HSD11B1L: variants seen among roughly 807,000 people sequenced by gnomAD.
HSD11B1L encodes the protein hydroxysteroid 11-beta dehydrogenase 1 like.
HSD11B1L carries 22 observed loss-of-function variants against 27.0 expected under a neutral mutation model. The ratio of observed to expected loss-of-function variants is 0.81; its 90% CI spans 0.58 to 1.16. The LOEUF (loss-of-function observed/expected upper bound fraction) is 1.16. HSD11B1L is among the 50% of genes most tolerant of loss of function. HSD11B1L has a pLI of 0.00. For missense variants in HSD11B1L, 372 were observed against 401.8 expected (o/e 0.93, Z 0.63); for synonymous variants, 187 against 189.2 (o/e 0.99, Z 0.09).
chr19:5,681,619 C>T (rs1291211431), intron 1 of HSD11B1L, among the ~76,000 whole-genome samples: 8 of 151,458 alleles, frequency 5.3e-5, no homozygotes, highest in Admixed American at 2.6e-4. Context: ...CTCATCTATC[C>T]GTCCATCCAT....
Position 5,688,065 on chromosome 19 carries a change from C to G in HSD11B1L, c.*120C>G. The G allele has an allele frequency of 6.4e-7, 1 of 1,551,150 alleles. No individual in the cohort carries two copies. The highest frequency in any genetic ancestry group is 8.7e-7 in the Non-Finnish European group (1 of 1,146,804). On this transcript the variant is annotated 3_prime_UTR_variant, in exon 8 of 8. Coordinates refer to ENST00000339423, the MANE Select transcript of HSD11B1L (RefSeq NM_198706.3). ...TGGCCACAGCCCAAGATGAAGTCAT[C>G]AAGACAGAAAAGCAAAACCGAGAAA...
Position 5,685,220 on chromosome 19 carries a change from C to G in HSD11B1L, c.204+101C>G, listed in dbSNP as rs2054657749. 1.4e-6 allele frequency: 2 copies of G among 1,454,034 alleles called. No individual in the cohort carries two copies. Among genetic ancestry groups the G allele is most frequent in the Non-Finnish European group, 1.9e-6 (2 of 1,072,524 alleles). The allele number at this position is 1,454,034 out of a possible 1,614,324, so 90.1% of individuals were successfully genotyped here. ...CAATGATCCAGGCTTCCCGTGTGAC[C>G]TTGGGCAAGTCGCCTAACCTCTCTG... On this transcript the variant is annotated intron_variant, in intron 3 of 7. Transcript: ENST00000339423. This position sits in a 1 kb window ranked among gnomAD's most constrained non-coding sequence, Gnocchi z 4.3.
intron 1 of HSD11B1L, chr19:5,683,909 T>A (rs911427736): frequency 3.7e-5 from 11 of 299,224 alleles, no homozygotes; most frequent in Admixed American, 3.5e-4. Flanking sequence ...TAAAAAAAAA[T>A]AAAAATAAAA....
chr19:5,685,413 T>C lies in HSD11B1L; in HGVS notation c.204+294T>C. 2.0e-6 allele frequency: 1 copy of C among 492,344 alleles called. No individual in the cohort carries two copies. The highest frequency in any genetic ancestry group is 3.9e-6 in the Non-Finnish European group (1 of 259,708). 30.5% of individuals were successfully genotyped at this position (492,344 alleles called of 1,614,324 possible). ...CAACATGGCGAAACCTGGTCTCTAC[T>C]AAGAAGACAAAAATTAGGCCAGGCA... On this transcript the variant is annotated intron_variant, in intron 3 of 7. Coordinates refer to ENST00000339423, the MANE Select transcript of HSD11B1L (RefSeq NM_198706.3). The surrounding 1 kb of genome is among the most constrained non-coding windows in gnomAD (Gnocchi z 4.3).
In HSD11B1L at chr19:5,684,902, C is replaced by G; in HGVS notation, c.70C>G (p.Pro24Ala). 6.2e-7 allele frequency: 1 copy of G among 1,613,686 alleles called. No homozygotes were observed. Among genetic ancestry groups the G allele is most frequent in the Non-Finnish European group, 8.5e-7 (1 of 1,179,934 alleles). ...FAYYWDDNFDPASLQGARVLL... is the reference protein window; with the variant it reads ...FAYYWDDNFDAASLQGARVLL... ...CTATTATTGGGATGACAACTTCGAC[C>G]CAGGTGAGCACCTGGGGTTGAGGGA... Residue 24 changes from proline to alanine, a missense_variant, in exon 2 of 8, where the codon CCA (proline) becomes GCA (alanine). Pro to Ala is a conservative substitution (Grantham distance 27). Transcript: ENST00000339423.
chr19:5,686,874 G>A lies in HSD11B1L; in HGVS notation c.317-26G>A, dbSNP rs1162383792. 10 of 1,527,026 alleles carry A rather than the reference G, an allele frequency of 6.5e-6. No homozygotes were observed. In the South Asian group the frequency reaches 9.8e-5, roughly 15 times the overall value. 94.6% of individuals were successfully genotyped at this position (1,527,026 alleles called of 1,614,324 possible). A position where few individuals can be genotyped will look rare whatever the true frequency, so the allele number is the denominator to read the frequency against. ...ATCGTTTCCTTGGGGAGGGGCCTCCGGGGCTGACCGGCGTTTCTGGGCCAG... is the reference window on the plus strand; with the variant it reads ...ATCGTTTCCTTGGGGAGGGGCCTCCAGGGCTGACCGGCGTTTCTGGGCCAG... On this transcript the variant is annotated intron_variant, in intron 4 of 7. Transcript: ENST00000339423.
At chr19:5,686,019 G>A (rs1555705778) in intron 3 of HSD11B1L, among the ~76,000 whole-genome samples, 1 of 152,198 alleles carries the variant, frequency 6.6e-6, no homozygotes, top group Non-Finnish European at 1.5e-5. Context: ...GAGTGTCCAG[G>A]CCTGTGCTGA....
intron 4 of HSD11B1L, 99 bp downstream of exon 4, chr19:5,686,626 T>G: frequency 3.2e-6 from 3 of 939,434 alleles, no homozygotes; most frequent in Non-Finnish European, 4.7e-6. Context: ...GTAACAGGTG[T>G]CTCAGGGCGG....
At chr19:5,683,678 G>C (rs1371288497) in intron 1 of HSD11B1L, among the ~76,000 whole-genome samples, 1 of 152,136 alleles carries the variant, frequency 6.6e-6, no homozygotes, top group Non-Finnish European at 1.5e-5. Context: ...GATCACTTGA[G>C]CCCAGGAGTT....
chr19:5,687,572 C>T lies in HSD11B1L; in HGVS notation c.572C>T (p.Ser191Phe). The T allele has an allele frequency of 1.2e-6, 2 of 1,600,186 alleles. No individual in the cohort carries two copies. The highest frequency in any genetic ancestry group is 1.7e-6 in the Non-Finnish European group (2 of 1,179,458). The change falls in exon 7 of 8, where the codon TCC becomes TTC. Residue 191 changes from serine to phenylalanine, a missense_variant. By Grantham distance (155) the Ser-to-Phe change is radical. Transcript: ENST00000339423. The surrounding 1 kb of genome is among the most constrained non-coding windows in gnomAD (Gnocchi z 6.6). The stretch of plus-strand genomic sequence containing the variant: ...TTTGCGCTGGACGGCTTCTTCGGCT[C>T]CCTGCGGCGGGAGCTGGACGTGCAG... ...AKFALDGFFG[S>F]LRRELDVQDV...
intron 1 of HSD11B1L, among the ~76,000 whole-genome samples, chr19:5,682,925 T>G (rs2054595771): frequency 6.7e-6 from 1 of 150,174 alleles, no homozygotes; most frequent in South Asian, 2.1e-4. Flanking sequence ...TTCAAGCAAT[T>G]CTCCTGCCTC....
chr19:5,687,811 G>A lies in HSD11B1L; in HGVS notation c.727G>A (p.Gly243Ser), dbSNP rs1253610492. The A allele has an allele frequency of 2.0e-6, 3 of 1,530,492 alleles. No individual in the cohort carries two copies. The highest frequency in any genetic ancestry group is 2.4e-5 in the East Asian group (1 of 40,852). The allele number at this position is 1,530,492 out of a possible 1,614,324, so 94.8% of individuals were successfully genotyped here. A position where few individuals can be genotyped will look rare whatever the true frequency, so the allele number is the denominator to read the frequency against. ...GPKAALAVIR[G>S]GATRAAGVFY... ...CAAGGCAGCCCTGGCCGTGATCCGCGGCGGCGCCACGCGCGCGGCCGGCGT... is the reference window on the plus strand; with the variant it reads ...CAAGGCAGCCCTGGCCGTGATCCGCAGCGGCGCCACGCGCGCGGCCGGCGT... Residue 243 changes from glycine to serine, a missense_variant, in exon 8 of 8, where the codon GGC becomes AGC. Gly to Ser is a moderately conservative substitution (Grantham distance 56). Transcript: ENST00000339423. This position sits in a 1 kb window ranked among gnomAD's most constrained non-coding sequence, Gnocchi z 6.6.
chr19:5,681,527 G>GCCCATCCACCCA (rs946999506), intron 1 of HSD11B1L, among the ~76,000 whole-genome samples: 25 of 148,008 alleles, frequency 1.7e-4, no homozygotes, highest in African/African-American at 6.3e-4. Flanking sequence ...CCATCTGTCC[G>GCCCATCCACCCA]CCCATCCATT....
Position 5,687,428 on chromosome 19 carries a change from G to A in HSD11B1L, c.502+53G>A, listed in dbSNP as rs2054729758. The A allele has an allele frequency of 6.2e-7, 1 of 1,600,896 alleles. No individual in the cohort carries two copies. The highest frequency in any genetic ancestry group is 8.5e-7 in the Non-Finnish European group (1 of 1,177,246). On this transcript the variant is annotated intron_variant, in intron 6 of 7. Transcript: ENST00000339423. The surrounding 1 kb of genome is among the most constrained non-coding windows in gnomAD (Gnocchi z 6.6). ...GGACGGGGAGTGGGGAGCTCGATGC[G>A]GGTGAGCCTGGAGGGTCTGGGCAGG...
In HSD11B1L at chr19:5,686,996, T is replaced by C. The variant is rs1033957328; in HGVS notation, c.408+5T>C. 7 of 1,540,976 alleles carry C rather than the reference T, an allele frequency of 4.5e-6. No individual in the cohort carries two copies. Among genetic ancestry groups the C allele is most frequent in the Non-Finnish European group, 4.4e-6 (5 of 1,144,248 alleles). ...GCAACTCGCTGGCTCATGCAGGTGC[T>C]CCGCTCCTCCGCGGCCCCGGCCCGC... On this transcript the variant is annotated splice_donor_5th_base_variant and intron_variant, in intron 5 of 7. Transcript: ENST00000339423.
At chr19:5,684,759 AAC>A in intron 1 of HSD11B1L, 58 bp from the exon 2 acceptor site, 2 of 1,608,918 alleles carry the variant, frequency 1.2e-6, no homozygotes, top group South Asian at 2.2e-5. Flanking sequence ...ACACCCACCA[AAC>A]ACGGGTGGCT....
rs924714466 is a variant in HSD11B1L, at chr19:5,685,902, T to TCAAA, written c.205-501_205-498dup. On this transcript the variant is annotated intron_variant, in intron 3 of 7. Coordinates refer to ENST00000339423, the MANE Select transcript of HSD11B1L (RefSeq NM_198706.3). This position sits in a 1 kb window ranked among gnomAD's most constrained non-coding sequence, Gnocchi z 4.3. ...CTGGGCAACAAAGTGAGACTCTGTC[T>TCAAA]CAAACAAACAAACAAAAAAACCCAC... Among the ~76,000 whole-genome samples, 1 of 152,144 alleles carries TCAAA rather than the reference T, an allele frequency of 6.6e-6. No individual in the cohort carries two copies. Among genetic ancestry groups the TCAAA allele is most frequent in the Non-Finnish European group, 1.5e-5 (1 of 68,002 alleles).
At position 5,687,891 on chromosome 19, in the gene HSD11B1L, CCCG is replaced by C; in HGVS notation, c.809_811del (p.Pro270del). On this transcript the variant is annotated inframe_deletion, in exon 8 of 8. Transcript: ENST00000339423. The surrounding 1 kb of genome is among the most constrained non-coding windows in gnomAD (Gnocchi z 6.6). ...GCTTGCTCCGGCGCTGGCTACCGCG[CCCG>C]CGGGCCTGGTTTATCCGCCAGGAGC... 6.3e-7 allele frequency: 1 copy of C among 1,579,778 alleles called. No homozygotes were observed.
At chr19:5,684,434 T>C (rs994527655) in intron 1 of HSD11B1L, 13 of 383,224 alleles carry the variant, frequency 3.4e-5, no homozygotes, top group African/African-American at 6.1e-5. Context: ...TGAGGCAGGA[T>C]AGTGACTGGC....
Sources: allele counts gnomAD v4.1 joint callset (sites outside exome capture counted in the v4.1 genomes callset), GRCh38; gene constraint gnomAD v4.1.1; non-coding constraint Gnocchi (gnomAD v3.1); transcripts MANE v1.5; gene names NCBI Gene and HGNC (gene_info 2026-07-23, HGNC 2026-07-21).